The following DGKZ variants were observed in gnomAD, a reference collection of about 807,000 sequenced individuals.
DGKZ encodes the protein diacylglycerol kinase zeta.
Under a neutral mutation model 142.5 loss-of-function variants are expected in DGKZ, and 45 were observed. The ratio of observed to expected loss-of-function variants is 0.32; its 90% CI spans 0.25 to 0.40. The LOEUF (loss-of-function observed/expected upper bound fraction) is 0.40. Ranked by LOEUF, DGKZ falls within the 10% of genes least tolerant of loss-of-function variation. The pLI, the probability that DGKZ is intolerant of heterozygous loss-of-function variation, is 1.00. For missense variants in DGKZ, 755 were observed against 1,306.5 expected (o/e 0.58, Z 6.51); for synonymous variants, 442 against 527.0 (o/e 0.84, Z 2.21).
chr11:46,361,744 T>A, intron 1 of DGKZ: 2 of 867,466 alleles, frequency 2.3e-6, no homozygotes, highest in Non-Finnish European at 2.8e-6. Flanking sequence ...GCTTTCTGCT[T>A]CCTCCCTCTG....
At chr11:46,354,092 ACCTT>A (rs535132828) in intron 1 of DGKZ, among the ~76,000 whole-genome samples, 25 of 152,230 alleles carry the variant, frequency 1.6e-4, no homozygotes, top group African/African-American at 5.5e-4. Context: ...CTTGGGGGAG[ACCTT>A]CCTTCCATCC....
intron 4 of DGKZ, 95 bp from the exon 5 acceptor site, chr11:46,369,399 T>C (rs773725032): frequency 2.7e-6 from 4 of 1,480,274 alleles, no homozygotes; most frequent in Non-Finnish European, 2.8e-6. Context: ...CCCCACCTTG[T>C]GAGGATGACT....
At chr11:46,343,524 C>T (rs372926764), upstream of DGKZ, among the ~76,000 whole-genome samples, 11 of 152,222 alleles carry the variant, frequency 7.2e-5, no homozygotes, top group African/African-American at 2.6e-4. Flanking sequence ...TAGAGCAGGG[C>T]GATTAAAGAA....
chr11:46,366,370 C>G (rs116627533), intron 1 of DGKZ: 9 of 1,520,998 alleles, frequency 5.9e-6, no homozygotes, highest in Non-Finnish European at 7.0e-6. Context: ...GTCGCTCCCC[C>G]GCTGGGCAGG....
intron 26 of DGKZ, 57 bp downstream of exon 26, chr11:46,378,286 A>G: frequency 6.3e-7 from 1 of 1,575,146 alleles, no homozygotes; most frequent in Non-Finnish European, 8.6e-7. Context: ...CAGGAGGCTC[A>G]GTGGGGTGGG....
chr11:46,352,236 AGGAGAGAATTGGGAGGTGT>A (rs1401396275), intron 1 of DGKZ, among the ~76,000 whole-genome samples: 1 of 152,182 alleles, frequency 6.6e-6, no homozygotes, highest in Non-Finnish European at 1.5e-5. Context: ...ACTTTAAGGC[AGGAGAGAATTGGGAGGTGT>A]GGAAGCAGCC....
intron 1 of DGKZ, among the ~76,000 whole-genome samples, chr11:46,354,114 C>A (rs879362336): frequency 3.9e-5 from 6 of 152,212 alleles, no homozygotes; most frequent in African/African-American, 1.4e-4. Context: ...TCCTGAGGGC[C>A]CTGAAAGGGT....
At chr11:46,347,373 C>T (rs1940748095), upstream of DGKZ, 2 of 984,128 alleles carry the variant, frequency 2.0e-6, no homozygotes, top group Non-Finnish European at 2.4e-6. The surrounding 1 kb of genome is among the most constrained non-coding windows in gnomAD (Gnocchi z 6.4). Flanking sequence ...CGCTGCGGGC[C>T]CGGTGCCACC....
chr11:46,333,256 G>T, exon 1 of DGKZ: 1 of 1,247,490 alleles, frequency 8.0e-7, no homozygotes, highest in Non-Finnish European at 1.0e-6. Flanking sequence ...CAGGAGCCGC[G>T]GGCGGAAGGC....
At chr11:46,377,839 C>A in intron 25 of DGKZ, 1 of 349,626 alleles carries the variant, frequency 2.9e-6, no homozygotes, top group Non-Finnish European at 5.3e-6. Context: ...GGAGCTCCCC[C>A]ACCCCCATCC....
chr11:46,349,467 C>T (rs939185993), intron 1 of DGKZ, among the ~76,000 whole-genome samples: 6 of 152,016 alleles, frequency 3.9e-5, no homozygotes, highest in African/African-American at 9.7e-5. Flanking sequence ...TGAGCACATT[C>T]GGGAGGAAGA....
In DGKZ at chr11:46,347,659, G is replaced by T; in HGVS notation, c.-1G>T. ...CCTCCGCCGGCCGGGGCTAGGGCCG[G>T]ATGGAGCCGCGGGACGGTAGCCCCG... is the stretch of plus-strand genomic sequence containing the variant. On this transcript the variant is annotated 5_prime_UTR_variant, in exon 1 of 31. Transcript: ENST00000527911. This position sits in a 1 kb window ranked among gnomAD's most constrained non-coding sequence, Gnocchi z 6.4. 1 of 1,418,070 alleles carries T rather than the reference G, an allele frequency of 7.1e-7. No individual in the cohort carries two copies. The highest frequency in any genetic ancestry group is 1.5e-5 in the African/African-American group (1 of 66,660). The allele number at this position is 1,418,070 out of a possible 1,614,324, so 87.8% of individuals were successfully genotyped here.
chr11:46,371,603 G>A, exon 8 of DGKZ: 1 of 1,612,110 alleles, frequency 6.2e-7, no homozygotes, highest in Non-Finnish European at 8.5e-7. Flanking sequence ...GGAGGCCCCA[G>A]GTGAGTACTG....
chr11:46,367,083 T>A lies in DGKZ; in HGVS notation c.162-208T>A. ...CTCTGCCTGGCTGAGGGTTCCCCACTTGGGAACACTCTGGGCAGTACCCTG... is the reference window on the plus strand; with the variant it reads ...CTCTGCCTGGCTGAGGGTTCCCCACATGGGAACACTCTGGGCAGTACCCTG... On this transcript the variant is annotated intron_variant, in intron 1 of 30. Transcript: ENST00000527911. This position sits in a 1 kb window ranked among gnomAD's most constrained non-coding sequence, Gnocchi z 4.1. 1.4e-6 allele frequency: 2 copies of A among 1,407,288 alleles called. No individual in the cohort carries two copies. Among genetic ancestry groups the A allele is most frequent in the Non-Finnish European group, 1.9e-6 (2 of 1,050,134 alleles). The allele number at this position is 1,407,288 out of a possible 1,614,324, so 87.2% of individuals were successfully genotyped here.
At chr11:46,356,886 T>TA (rs1014758578) in intron 1 of DGKZ, among the ~76,000 whole-genome samples, 84 of 152,258 alleles carry the variant, frequency 5.5e-4, no homozygotes, top group African/African-American at 1.9e-3. Context: ...TAAAAACACT[T>TA]AGAGTAGTGT....
intron 20 of DGKZ, 42 bp from the exon 21 acceptor site, chr11:46,375,809 A>T: frequency 6.5e-7 from 1 of 1,544,712 alleles, no homozygotes; most frequent in Non-Finnish European, 8.7e-7. Flanking sequence ...GCACCAAGGC[A>T]GGGCCCTTGC....
intron 1 of DGKZ, among the ~76,000 whole-genome samples, chr11:46,354,762 G>T (rs1047576642): frequency 4.6e-5 from 7 of 152,208 alleles, no homozygotes; most frequent in Non-Finnish European, 1.0e-4. Context: ...AACATACAGT[G>T]CTGTTTCGTA....
chr11:46,375,134 C>T (rs1590624213), intron 19 of DGKZ, 89 bp downstream of exon 19: 1 of 1,216,166 alleles, frequency 8.2e-7, no homozygotes, highest in African/African-American at 1.5e-5. Context: ...CCACGGCGGC[C>T]TAGTTCACCC....
At chr11:46,378,103 T>C (rs1944765370) in intron 25 of DGKZ, 95 bp from the exon 26 acceptor site, 2 of 1,485,286 alleles carry the variant, frequency 1.3e-6, no homozygotes, top group African/African-American at 1.4e-5. Context: ...CTCAATAAAC[T>C]GTGGAAAGGA....
Sources: allele counts gnomAD v4.1 joint callset (sites outside exome capture counted in the v4.1 genomes callset), GRCh38; gene constraint gnomAD v4.1.1; non-coding constraint Gnocchi (gnomAD v3.1); transcripts MANE v1.5; gene names NCBI Gene and HGNC (gene_info 2026-07-23, HGNC 2026-07-21).